PTPRD: variants seen among roughly 807,000 people sequenced by gnomAD.
The protein encoded by PTPRD is receptor-type tyrosine-protein phosphatase delta.
A neutral mutation model predicts 214.5 loss-of-function variants in PTPRD; 34 were observed. The ratio of observed to expected loss-of-function variants is 0.16; its 90% CI spans 0.12 to 0.21. PTPRD has a LOEUF of 0.21. Ranked by LOEUF, PTPRD falls within the 10% of genes least tolerant of loss-of-function variation. PTPRD has a pLI of 1.00. For synonymous variants in PTPRD, 1,128 were observed against 845.7 expected (o/e 1.33, Z -5.79); for missense variants, 2,545 against 2,398.7 (o/e 1.06, Z -1.27).
At chr9:8,560,063 G>A (rs2085553469) in intron 14 of PTPRD, among the ~76,000 whole-genome samples, 2 of 152,174 alleles carry the variant, frequency 1.3e-5, no homozygotes, top group Non-Finnish European at 2.9e-5. Flanking sequence ...CATCAAGGGA[G>A]AAGTAAATCC....
intron 3 of PTPRD, among the ~76,000 whole-genome samples, chr9:10,258,357 G>T (rs933659493): frequency 9.9e-5 from 15 of 152,128 alleles, no homozygotes; most frequent in African/African-American, 3.6e-4. Flanking sequence ...TCACCAGGTT[G>T]CACCATGAGA....
chr9:10,493,054 C>T (rs1307127827), intron 2 of PTPRD, among the ~76,000 whole-genome samples: 1 of 151,998 alleles, frequency 6.6e-6, no homozygotes, highest in African/African-American at 2.4e-5. Context: ...ATGTGAGGGA[C>T]CTGTTCAAGG....
intron 4 of PTPRD, among the ~76,000 whole-genome samples, chr9:9,939,279 A>C (rs1987241): frequency 0.52 from 79,508 of 151,972 alleles, 24,317 homozygotes; most frequent in East Asian, 0.91. Context: ...CTTGTACTGC[A>C]CACAAATAGA....
At chr9:9,948,349 G>T (rs1470838124) in intron 4 of PTPRD, among the ~76,000 whole-genome samples, 1 of 152,010 alleles carries the variant, frequency 6.6e-6, no homozygotes, top group African/African-American at 2.4e-5. Context: ...GAAGGGATGT[G>T]TATTCCTTAT....
At chr9:8,791,582 C>G (rs185190635) in intron 11 of PTPRD, among the ~76,000 whole-genome samples, 3 of 137,586 alleles carry the variant, frequency 2.2e-5, no homozygotes, top group African/African-American at 8.4e-5. Context: ...GGCTATAGTG[C>G]AGTGGGGCGA....
intron 10 of PTPRD, among the ~76,000 whole-genome samples, chr9:9,155,178 T>C (rs190982777): frequency 6.6e-6 from 1 of 152,318 alleles, no homozygotes; most frequent in East Asian, 1.9e-4. Context: ...CATTCTCTTT[T>C]GATTCTAGAA....
intron 10 of PTPRD, among the ~76,000 whole-genome samples, chr9:9,130,024 G>T (rs1171958722): frequency 6.6e-6 from 1 of 152,136 alleles, no homozygotes; most frequent in South Asian, 2.1e-4. Context: ...CATATAATAG[G>T]CTCTTAATGT....
chr9:8,566,100 A>ATGTGTGTGTGTGTGTGTGTG (rs139478736), intron 14 of PTPRD, among the ~76,000 whole-genome samples: 1,559 of 137,868 alleles, frequency 0.011, 17 homozygotes, highest in Middle Eastern at 0.02. Flanking sequence ...AATGCAAAAT[A>ATGTGTGTGTGTGTGTGTGTG]TGTGTGTGTG....
intron 2 of PTPRD, among the ~76,000 whole-genome samples, chr9:10,565,379 T>C (rs115859468): frequency 0.03 from 4,604 of 152,184 alleles, 120 homozygotes; most frequent in East Asian, 0.098. Flanking sequence ...GATTTATCTG[T>C]ATAATTGAAC....
At chr9:10,411,657 T>C (rs903620459) in intron 2 of PTPRD, among the ~76,000 whole-genome samples, 3 of 151,778 alleles carry the variant, frequency 2.0e-5, no homozygotes, top group Non-Finnish European at 4.4e-5. Flanking sequence ...GCTGTAGTCA[T>C]TTGCTATTTG....
chr9:8,823,520 C>T (rs564237493), intron 11 of PTPRD, among the ~76,000 whole-genome samples: 11 of 152,130 alleles, frequency 7.2e-5, no homozygotes, highest in African/African-American at 2.2e-4. Flanking sequence ...GGTGGTGGCG[C>T]GTGCCTGTAA....
At chr9:9,437,493 T>G (rs1358268817) in intron 8 of PTPRD, among the ~76,000 whole-genome samples, 1 of 152,142 alleles carries the variant, frequency 6.6e-6, no homozygotes, top group African/African-American at 2.4e-5. Flanking sequence ...CGATTTTTAA[T>G]ATATTTTAAA....
chr9:10,598,475 A>C (rs2077114811), intron 2 of PTPRD, among the ~76,000 whole-genome samples: 1 of 151,762 alleles, frequency 6.6e-6, no homozygotes, highest in Non-Finnish European at 1.5e-5. Context: ...TGTTTAGGTT[A>C]TTCTGTGCAG....
At chr9:8,839,473 C>A (rs1601529051) in intron 11 of PTPRD, among the ~76,000 whole-genome samples, 1 of 152,224 alleles carries the variant, frequency 6.6e-6, no homozygotes, top group East Asian at 1.9e-4. Flanking sequence ...TACAGGCGGG[C>A]ACCACCATCC....
At chr9:8,577,835 T>C (rs527895289) in intron 14 of PTPRD, among the ~76,000 whole-genome samples, 1 of 152,264 alleles carries the variant, frequency 6.6e-6, no homozygotes, top group East Asian at 1.9e-4. Flanking sequence ...TCAGAAACTC[T>C]AGGGATGTGG....
chr9:9,851,511 A>C (rs2060542358), intron 5 of PTPRD, among the ~76,000 whole-genome samples: 1 of 152,266 alleles, frequency 6.6e-6, no homozygotes. Context: ...ACATTCTTCA[A>C]GCAACTATCT....
chr9:8,644,498 C>T (rs976769905), intron 12 of PTPRD, among the ~76,000 whole-genome samples: 2 of 152,192 alleles, frequency 1.3e-5, no homozygotes, highest in African/African-American at 4.8e-5. Flanking sequence ...AAACATGCCC[C>T]TTGCTCACCA....
intron 12 of PTPRD, among the ~76,000 whole-genome samples, chr9:8,673,332 C>T (rs2097327658): frequency 6.6e-6 from 1 of 152,162 alleles, no homozygotes; most frequent in African/African-American, 2.4e-5. Context: ...CCATCCTAAG[C>T]TTGAGTTGGC....
chr9:10,535,424 C>CGT (rs2134973344), intron 2 of PTPRD, among the ~76,000 whole-genome samples: 1 of 152,034 alleles, frequency 6.6e-6, no homozygotes, highest in South Asian at 2.1e-4. Context: ...ATCTACTTAC[C>CGT]GTCGTGAGCT....
Sources: allele counts gnomAD v4.1 joint callset (sites outside exome capture counted in the v4.1 genomes callset), GRCh38; gene constraint gnomAD v4.1.1; transcripts MANE v1.5; gene names NCBI Gene and HGNC (gene_info 2026-07-23, HGNC 2026-07-21).